Variants in ADAM2 observed in about 807,000 individuals in gnomAD.
ADAM2 encodes the protein disintegrin and metalloproteinase domain-containing protein 2.
In ADAM2, 101 loss-of-function variants were observed where a neutral mutation model predicts 99.3. The ratio of observed to expected loss-of-function variants is 1.02; its 90% confidence interval spans 0.87 to 1.20. ADAM2 has a LOEUF of 1.20. ADAM2 is among the 50% of genes most tolerant of loss of function. The probability of loss-of-function intolerance (pLI) is 0.00; values close to 1 mark genes in which losing one functional copy is unlikely to be tolerated. For missense variants in ADAM2, 948 were observed against 878.7 expected (o/e 1.08, Z -1.00); for synonymous variants, 323 against 287.6 (o/e 1.12, Z -1.25).
At chr8:39,760,016 G>A (rs892750782) in intron 15 of ADAM2, among the ~76,000 whole-genome samples, 1 of 151,978 alleles carries the variant, frequency 6.6e-6, no homozygotes, top group African/African-American at 2.4e-5. Context: ...ACAGGCAACC[G>A]CCATCATGCC....
At chr8:39,798,329 G>A (rs1006850393) in intron 7 of ADAM2, among the ~76,000 whole-genome samples, 2 of 152,204 alleles carry the variant, frequency 1.3e-5, no homozygotes, top group African/African-American at 4.8e-5. Context: ...CTGTTTATGT[G>A]ATGGATTACA....
intron 11 of ADAM2, among the ~76,000 whole-genome samples, chr8:39,772,860 C>A (rs755853455): frequency 1.3e-5 from 2 of 151,704 alleles, no homozygotes; most frequent in African/African-American, 2.4e-5. Flanking sequence ...AAGTACGATT[C>A]GCTAGGAAGA....
At chr8:39,822,899 G>C (rs1805255912) in intron 4 of ADAM2, among the ~76,000 whole-genome samples, 2 of 152,104 alleles carry the variant, frequency 1.3e-5, no homozygotes, top group Admixed American at 1.3e-4. Context: ...CTCCTGAGTA[G>C]CTGGGACTAC....
At chr8:39,746,307 G>A (rs1433357349) in intron 19 of ADAM2, among the ~76,000 whole-genome samples, 165 bp downstream of exon 19, 3 of 152,102 alleles carry the variant, frequency 2.0e-5, no homozygotes, top group Non-Finnish European at 4.4e-5. Flanking sequence ...GATGACAGGC[G>A]TGAGCCACCA....
At chr8:39,789,159 C>A (rs1421525999) in intron 7 of ADAM2, among the ~76,000 whole-genome samples, 1 of 151,368 alleles carries the variant, frequency 6.6e-6, no homozygotes, top group Non-Finnish European at 1.5e-5. Flanking sequence ...AATAAGAGAG[C>A]TAGGATGTCT....
intron 7 of ADAM2, among the ~76,000 whole-genome samples, chr8:39,806,230 G>C (rs1231327695): frequency 6.6e-6 from 1 of 151,506 alleles, no homozygotes; most frequent in Non-Finnish European, 1.5e-5. Flanking sequence ...ACAACCACTA[G>C]GAATCCAGGC....
intron 3 of ADAM2, 82 bp downstream of exon 3, chr8:39,833,862 A>C (rs778810721): frequency 2.5e-6 from 2 of 803,374 alleles, no homozygotes; most frequent in Non-Finnish European, 4.2e-6. Context: ...TTTCAAATAC[A>C]AAATAATTAC....
At chr8:39,818,174 C>A (rs1379923936) in intron 6 of ADAM2, 3 of 151,834 alleles carry the variant, frequency 2.0e-5, no homozygotes, top group Non-Finnish European at 4.4e-5. Flanking sequence ...TGAAAAAAAT[C>A]TTCAAAATTA....
At chr8:39,752,873 T>G (rs544420213) in intron 16 of ADAM2, among the ~76,000 whole-genome samples, 2 of 152,290 alleles carry the variant, frequency 1.3e-5, no homozygotes, top group Admixed American at 6.5e-5. Context: ...CTGCCATGAT[T>G]GTGAGGCCTC....
chr8:39,790,892 C>T (rs1391848739), intron 7 of ADAM2, among the ~76,000 whole-genome samples: 2 of 151,732 alleles, frequency 1.3e-5, no homozygotes, highest in Non-Finnish European at 2.9e-5. Flanking sequence ...ATTAACACTC[C>T]AACCATGTCT....
chr8:39,759,448 G>A (rs1802270574), intron 15 of ADAM2, among the ~76,000 whole-genome samples: 1 of 152,108 alleles, frequency 6.6e-6, no homozygotes, highest in African/African-American at 2.4e-5. Flanking sequence ...CTGACACTGG[G>A]TTTGTTCCTG....
intron 17 of ADAM2, 81 bp downstream of exon 17, chr8:39,749,578 TGTGTGTGC>T (rs1823627240): frequency 1.0e-5 from 13 of 1,277,062 alleles, no homozygotes; most frequent in Non-Finnish European, 1.3e-5. Context: ...TGTGTGTGTG[TGTGTGTGC>T]GTGTGTGTGT....
chr8:39,785,545 C>T (rs534979349), intron 10 of ADAM2, among the ~76,000 whole-genome samples: 1 of 152,298 alleles, frequency 6.6e-6, no homozygotes, highest in South Asian at 2.1e-4. Flanking sequence ...AAGTCAATCC[C>T]AGCACTTTGG....
intron 7 of ADAM2, among the ~76,000 whole-genome samples, chr8:39,799,622 C>G (rs998505531): frequency 9.2e-5 from 14 of 152,100 alleles, no homozygotes; most frequent in Non-Finnish European, 1.6e-4. Flanking sequence ...CTGTCTAATA[C>G]TGACAGTGGG....
chr8:39,788,006 T>C, intron 9 of ADAM2, 79 bp downstream of exon 9: 2 of 978,596 alleles, frequency 2.0e-6, no homozygotes, highest in Non-Finnish European at 2.8e-6. Flanking sequence ...TTAATACACA[T>C]TTATCAACAG....
At chr8:39,797,887 AT>A (rs1487521521) in intron 7 of ADAM2, among the ~76,000 whole-genome samples, 1 of 152,174 alleles carries the variant, frequency 6.6e-6, no homozygotes, top group Non-Finnish European at 1.5e-5. Flanking sequence ...TTGCACATTG[AT>A]TTTGTATCCT....
intron 11 of ADAM2, among the ~76,000 whole-genome samples, chr8:39,771,575 G>T (rs749349169): frequency 1.7e-4 from 26 of 152,046 alleles, no homozygotes; most frequent in Admixed American, 1.0e-3. Flanking sequence ...GAGTTTTAAG[G>T]TAATAAACTT....
chr8:39,834,509 C>T (rs1049588891), intron 2 of ADAM2, among the ~76,000 whole-genome samples: 2 of 152,036 alleles, frequency 1.3e-5, no homozygotes, highest in East Asian at 3.9e-4. Flanking sequence ...CCAAGGCAGG[C>T]GGATCATGAG....
chr8:39,795,319 T>A (rs996536712), intron 7 of ADAM2, among the ~76,000 whole-genome samples: 3 of 152,066 alleles, frequency 2.0e-5, no homozygotes, highest in Admixed American at 6.6e-5. Context: ...GGGTCAGACA[T>A]GCCTCAGTAT....
Sources: allele counts gnomAD v4.1 joint callset (sites outside exome capture counted in the v4.1 genomes callset), GRCh38; gene constraint gnomAD v4.1.1; transcripts MANE v1.5; gene names NCBI Gene and HGNC (gene_info 2026-07-23, HGNC 2026-07-21).